Variants in CMC1 observed in about 807,000 individuals in gnomAD.
CMC1 encodes the protein C-X9-C motif containing 1.
In CMC1, 14 loss-of-function variants were observed where a neutral mutation model predicts 14.1. The ratio of observed to expected loss-of-function variants is 0.99; its 90% CI spans 0.66 to 1.55. The LOEUF is 1.55. CMC1 is among the 40% of genes most tolerant of loss of function. The probability of loss-of-function intolerance (pLI) is 0.00; values close to 1 mark genes in which losing one functional copy is unlikely to be tolerated. For missense variants in CMC1, 127 were observed against 123.8 expected, an observed-to-expected ratio of 1.03 and a Z score of -0.12; for synonymous variants, 50 against 38.4, an observed-to-expected ratio of 1.30 and a Z score of -1.12.
chr3:28,309,941 C>T (rs971133074), intron 2 of CMC1, among the ~76,000 whole-genome samples: 1 of 132,490 alleles, frequency 7.5e-6, no homozygotes, highest in Non-Finnish European at 1.6e-5. Flanking sequence ...CTGACGTCCA[C>T]CACACACACA....
intron 2 of CMC1, among the ~76,000 whole-genome samples, chr3:28,290,063 C>A (rs1289856603): frequency 1.3e-5 from 2 of 152,092 alleles, no homozygotes; most frequent in African/African-American, 4.8e-5. Context: ...ACTCCATATT[C>A]TAATTTTGAA....
intron 1 of CMC1, chr3:28,263,033 A>C (rs1699813122): frequency 2.9e-6 from 1 of 347,182 alleles, no homozygotes; most frequent in Non-Finnish European, 5.2e-6. Context: ...ATATGTTATA[A>C]AGTAAAGATG....
Position 28,293,298 on chromosome 3 carries a change from A to AT in CMC1, c.110-23034dup, listed in dbSNP as rs201609591. Among the ~76,000 whole-genome samples the AT allele has an allele frequency of 2.0e-3, 305 of 149,746 alleles. 5 individuals carry two copies. Among genetic ancestry groups the AT allele is most frequent in the Middle Eastern group, 3.4e-3 (1 of 290 alleles). On this transcript the variant is annotated intron_variant, in intron 2 of 3. Coordinates refer to ENST00000466830, the MANE Select transcript of CMC1 (RefSeq NM_182523.2). Reference sequence around the variant, plus strand: ...AGCTTTCCATTTGATTAAGCTACAAATAGAGGGACTTTTTTTTTTTTTTCG... The same window carrying AT: ...AGCTTTCCATTTGATTAAGCTACAAATTAGAGGGACTTTTTTTTTTTTTTCG...
At chr3:28,313,586 C>T (rs1702747201) in intron 2 of CMC1, among the ~76,000 whole-genome samples, 1 of 152,098 alleles carries the variant, frequency 6.6e-6, no homozygotes, top group South Asian at 2.1e-4. Context: ...AAGAAAGGTC[C>T]TCATTAAAAT....
intron 1 of CMC1, among the ~76,000 whole-genome samples, chr3:28,242,625 A>G (rs565894131): frequency 2.6e-5 from 4 of 152,340 alleles, no homozygotes; most frequent in African/African-American, 9.6e-5. Context: ...TGAACATGTT[A>G]TTACCATGCT....
At chr3:28,304,253 G>A (rs1702192782) in intron 2 of CMC1, among the ~76,000 whole-genome samples, 1 of 151,596 alleles carries the variant, frequency 6.6e-6, no homozygotes, top group Non-Finnish European at 1.5e-5. Context: ...TTAACATGCA[G>A]CCAATATAAA....
intron 3 of CMC1, chr3:28,317,417 A>C (rs1702981820): frequency 6.6e-6 from 1 of 152,024 alleles, no homozygotes; most frequent in African/African-American, 2.4e-5. Flanking sequence ...ACCATATAGG[A>C]GTAAAAGTTC....
chr3:28,300,041 T>G (rs566452440), intron 2 of CMC1, among the ~76,000 whole-genome samples: 1 of 152,222 alleles, frequency 6.6e-6, no homozygotes, highest in African/African-American at 2.4e-5. Context: ...ATGGATACTA[T>G]ACTTATTAAG....
At chr3:28,266,067 T>A (rs762140490) in intron 2 of CMC1, among the ~76,000 whole-genome samples, 3 of 152,146 alleles carry the variant, frequency 2.0e-5, no homozygotes, top group African/African-American at 4.8e-5. Context: ...TTCAGCCAGG[T>A]TGCTATATTC....
At position 28,241,648 on chromosome 3, in the gene CMC1, G is replaced by A; in HGVS notation, c.-146G>A. The A allele has an allele frequency of 2.4e-6, 3 of 1,233,006 alleles. No homozygotes were observed. Among genetic ancestry groups the A allele is most frequent in the East Asian group, 3.2e-5 (1 of 31,668 alleles). The allele number at this position is 1,233,006 out of a possible 1,614,324, so 76.4% of individuals were successfully genotyped here. ...TGGGAAGGAAGAGGGAACGGGTCCT[G>A]GCGGTGCTTTGCAAAGGGCCCGTGT... On this transcript the variant is annotated 5_prime_UTR_variant, in exon 1 of 4. Coordinates refer to ENST00000466830, the MANE Select transcript of CMC1 (RefSeq NM_182523.2).
rs1703213897 is a variant in CMC1, at chr3:28,322,426, T to C, written c.*2797T>C. 6.6e-6 allele frequency: 1 copy of C among 151,668 alleles called. No individual in the cohort carries two copies. The highest frequency in any genetic ancestry group is 2.1e-4 in the South Asian group (1 of 4,834). 9.4% of individuals were successfully genotyped at this position (151,668 alleles called of 1,614,324 possible). A position where few individuals can be genotyped will look rare whatever the true frequency, so the allele number is the denominator to read the frequency against. On this transcript the variant is annotated 3_prime_UTR_variant, in exon 4 of 4. Transcript: ENST00000466830. ...ATTGTTCAAAACATTAATCAAGCAA[T>C]TATCTCATAAGACTTTTTTTCTTTA... is the stretch of plus-strand genomic sequence containing the variant.
chr3:28,324,613 A>T lies in CMC1; in HGVS notation c.*4984A>T. 3 of 565,988 alleles carry T rather than the reference A, an allele frequency of 5.3e-6. No homozygotes were observed. The highest frequency in any genetic ancestry group is 4.1e-4 in the Middle Eastern group (1 of 2,438). The allele number at this position is 565,988 out of a possible 1,614,324, so 35.1% of individuals were successfully genotyped here. On this transcript the variant is annotated 3_prime_UTR_variant, in exon 4 of 4. Coordinates refer to ENST00000466830, the MANE Select transcript of CMC1 (RefSeq NM_182523.2). ...ACTGTGACTAGGAGATAAATGACAG[A>T]TGATCTGAGTTTTAATCCTGGATCA...
At chr3:28,305,779 ATTTTTTTTTTTT>A (rs71087685) in intron 2 of CMC1, among the ~76,000 whole-genome samples, 14 of 43,538 alleles carry the variant, frequency 3.2e-4, no homozygotes, top group African/African-American at 1.4e-3. Context: ...TTTCATAGGA[ATTTTTTTTTTTT>A]TTTTTTTTTT....
At chr3:28,315,197 A>T (rs1221778989) in intron 2 of CMC1, 1 of 152,226 alleles carries the variant, frequency 6.6e-6, no homozygotes, top group Non-Finnish European at 1.5e-5. Flanking sequence ...AGCAAAGCAT[A>T]TTGTCCTGTG....
At chr3:28,285,468 T>C (rs1193181092) in intron 2 of CMC1, among the ~76,000 whole-genome samples, 1 of 151,984 alleles carries the variant, frequency 6.6e-6, no homozygotes, top group Non-Finnish European at 1.5e-5. Flanking sequence ...AAGTGGAAGC[T>C]AAGTAATGTG....
At chr3:28,258,551 T>G (rs570412965) in intron 1 of CMC1, among the ~76,000 whole-genome samples, 1 of 151,800 alleles carries the variant, frequency 6.6e-6, no homozygotes, top group South Asian at 2.1e-4. Flanking sequence ...TTTTATTTCT[T>G]CATAAACTAG....
At chr3:28,284,489 TTTC>T (rs1369531841) in intron 2 of CMC1, among the ~76,000 whole-genome samples, 1 of 152,204 alleles carries the variant, frequency 6.6e-6, no homozygotes, top group Non-Finnish European at 1.5e-5. Context: ...AGTGCACATG[TTTC>T]TCTCCACAGA....
chr3:28,241,647 T>C lies in CMC1; in HGVS notation c.-147T>C, dbSNP rs1559392117. The C allele has an allele frequency of 8.1e-7, 1 of 1,232,456 alleles. No individual in the cohort carries two copies. The allele number at this position is 1,232,456 out of a possible 1,614,324, so 76.3% of individuals were successfully genotyped here. A position where few individuals can be genotyped will look rare whatever the true frequency, so the allele number is the denominator to read the frequency against. On this transcript the variant is annotated 5_prime_UTR_variant, in exon 1 of 4. Coordinates refer to ENST00000466830, the MANE Select transcript of CMC1 (RefSeq NM_182523.2). ...CTGGGAAGGAAGAGGGAACGGGTCC[T>C]GGCGGTGCTTTGCAAAGGGCCCGTG...
intron 2 of CMC1, among the ~76,000 whole-genome samples, chr3:28,270,685 C>A (rs917307578): frequency 6.6e-5 from 10 of 151,154 alleles, no homozygotes; most frequent in African/African-American, 2.4e-4. Context: ...CCAAAATTTT[C>A]TCCCATTCTT....
Sources: gnomAD v4.1 joint callset for allele counts (sites outside exome capture counted in the v4.1 genomes callset) on GRCh38, gnomAD v4.1.1 for gene constraint, MANE v1.5 for transcripts, NCBI Gene and HGNC (gene_info 2026-07-23, HGNC 2026-07-21) for gene names.